The following FSIP2 variants were observed in gnomAD, a reference collection of about 807,000 sequenced individuals.
FSIP2 encodes fibrous sheath interacting protein 2, also known as fibrous sheath-interacting protein 2.
FSIP2 carries 367 observed loss-of-function variants against 510.5 expected under a neutral mutation model. The observed-to-expected ratio is 0.72, with a 90% confidence interval of 0.66 to 0.78. FSIP2 has a LOEUF of 0.78. FSIP2 is among the 30% of genes least tolerant of loss of function. The pLI is 0.00. For missense variants in FSIP2, 7,594 were observed against 7,901.7 expected (o/e 0.96, Z 1.48); for synonymous variants, 2,601 against 2,732.2 (o/e 0.95, Z 1.50).
Position 185,788,899 on chromosome 2 carries a change from T to C in FSIP2, c.1763T>C (p.Val588Ala), listed in dbSNP as rs758429352. The change falls in exon 16 of 23, where the codon GTT becomes GCT. Residue 588 changes from valine to alanine, a missense_variant. Coordinates refer to ENST00000424728, the MANE Select transcript of FSIP2 (RefSeq NM_173651.4). ...TFQAEPCAFVVDTSVRRPTTP... is the reference protein window; with the variant it reads ...TFQAEPCAFVADTSVRRPTTP... Reference sequence around the variant, plus strand: ...CAGGCAGAACCCTGTGCATTTGTAGTTGACACGTCAGTAAGGAGACCAACC... The same window carrying C: ...CAGGCAGAACCCTGTGCATTTGTAGCTGACACGTCAGTAAGGAGACCAACC... 2 of 1,535,106 alleles carry C rather than the reference T, an allele frequency of 1.3e-6. No homozygotes were observed. Among genetic ancestry groups the C allele is most frequent in the Non-Finnish European group, 1.7e-6 (2 of 1,146,070 alleles).
At chr2:185,763,422 A>G (rs1692395715) in intron 12 of FSIP2, 133 bp downstream of exon 12, 1 of 614,848 alleles carries the variant, frequency 1.6e-6, no homozygotes, top group Admixed American at 2.6e-5. Context: ...TAGTCATACA[A>G]TAATAACGTT....
rs1279171600 is a variant in FSIP2, at chr2:185,793,791, A to G, written c.6655A>G (p.Asn2219Asp). 6.5e-7 allele frequency: 1 copy of G among 1,532,704 alleles called. No individual in the cohort carries two copies. The highest frequency in any genetic ancestry group is 1.2e-5 in the South Asian group (1 of 83,658). 94.9% of individuals were successfully genotyped at this position (1,532,704 alleles called of 1,614,324 possible). Residue 2219 changes from asparagine to aspartate, a missense_variant, in exon 16 of 23, where the codon AAT becomes GAT. Asn to Asp is a conservative substitution (Grantham distance 23). Coordinates refer to ENST00000424728, the MANE Select transcript of FSIP2 (RefSeq NM_173651.4). ...RKTERFSYSRNQKSAYADDNQ... is the reference protein window; with the variant it reads ...RKTERFSYSRDQKSAYADDNQ... ...AACAGAGCGTTTTTCATATTCAAGA[A>G]ATCAGAAATCAGCTTATGCTGATGA...
At chr2:185,811,734 C>T (rs966198395) in intron 17 of FSIP2, among the ~76,000 whole-genome samples, 2 of 152,048 alleles carry the variant, frequency 1.3e-5, no homozygotes, top group Non-Finnish European at 2.9e-5. Flanking sequence ...TCATGGGCTC[C>T]GCAGACTCAG....
At position 185,790,056 on chromosome 2, in the gene FSIP2, C is replaced by A; in HGVS notation, c.2920C>A (p.Leu974Ile). The stretch of plus-strand genomic sequence containing the variant: ...TTCTGACACCAAAGAAAAGTACAGA[C>A]TCACTGGCACTAGATTATCAAATAG... The part of the protein sequence containing the change: ...SPSDTKEKYR[L>I]TGTRLSNSPR... The change falls in exon 16 of 23, where the codon CTC becomes ATC. Residue 974 changes from leucine (L) to isoleucine (I), a missense_variant. Physicochemically the swap from Leu to Ile is conservative, Grantham distance 5. Transcript: ENST00000424728. The A allele has an allele frequency of 6.5e-7, 1 of 1,533,482 alleles. No individual in the cohort carries two copies. The highest frequency in any genetic ancestry group is 1.4e-5 in the African/African-American group (1 of 72,956). 95.0% of individuals were successfully genotyped at this position (1,533,482 alleles called of 1,614,324 possible). A position where few individuals can be genotyped will look rare whatever the true frequency, so the allele number is the denominator to read the frequency against.
At chr2:185,826,644 T>C (rs2105686732) in intron 20 of FSIP2, among the ~76,000 whole-genome samples, 1 of 151,936 alleles carries the variant, frequency 6.6e-6, no homozygotes, top group South Asian at 2.1e-4. Flanking sequence ...ACTGTCTCTC[T>C]AGAATGTAAG....
intron 16 of FSIP2, 26 bp downstream of exon 16, chr2:185,797,552 AATTTGCATG>A (rs777974753): frequency 1.4e-6 from 2 of 1,472,066 alleles, no homozygotes; most frequent in South Asian, 2.8e-5. Flanking sequence ...CGTACCTAAA[AATTTGCATG>A]ATTTAGGAAG....
intron 15 of FSIP2, among the ~76,000 whole-genome samples, 178 bp from the exon 16 acceptor site, chr2:185,788,465 G>A (rs1333125518): frequency 6.6e-6 from 1 of 151,582 alleles, no homozygotes; most frequent in African/African-American, 2.4e-5. Flanking sequence ...AAACTAACTA[G>A]AAATTCATCT....
intron 19 of FSIP2, among the ~76,000 whole-genome samples, chr2:185,816,703 TA>T (rs1175991468): frequency 6.6e-6 from 1 of 150,806 alleles, no homozygotes; most frequent in Non-Finnish European, 1.5e-5. Context: ...AATAAAATAA[TA>T]AAAAATTAGC....
In FSIP2 at chr2:185,778,747, TTCAA is replaced by T. The variant is rs375455438; in HGVS notation, c.1412-3953_1412-3950del. ...GGATGTAATGTTCTAAATATGTCCA[TTCAA>T]TCAAGACGGTGAATTGTGTATTTCA... On this transcript the variant is annotated intron_variant, in intron 13 of 22. Transcript: ENST00000424728. Among the ~76,000 whole-genome samples, 35 of 152,126 alleles carry T rather than the reference TTCAA, an allele frequency of 2.3e-4. No homozygotes were observed. In the East Asian group the frequency reaches 4.6e-3, roughly 20 times the overall value.
chr2:185,782,944 T>C (rs944613533), intron 14 of FSIP2, among the ~76,000 whole-genome samples, 182 bp downstream of exon 14: 1 of 152,190 alleles, frequency 6.6e-6, no homozygotes, highest in South Asian at 2.1e-4. Context: ...TGAATCATTG[T>C]CCTTTCCTTT....
intron 2 of FSIP2, among the ~76,000 whole-genome samples, chr2:185,742,710 A>T (rs955300831): frequency 6.6e-6 from 1 of 152,216 alleles, no homozygotes; most frequent in African/African-American, 2.4e-5. Context: ...TCATTTTAAG[A>T]TGATTGAAAT....
chr2:185,796,558 C>G lies in FSIP2; in HGVS notation c.9422C>G (p.Ser3141Ter). The stretch of plus-strand genomic sequence containing the variant: ...AATGAGTCTTTGATACAAAACCTTT[C>G]AAGAGAAAGTTTGTTCCAAGGAGCT... ...YFNESLIQNL[S>*]RESLFQGAEN... The change falls in exon 16 of 23, where the codon TCA (serine) becomes TGA (stop). Residue 3141 changes from serine to a stop codon, truncating the protein, a stop_gained. Coordinates refer to ENST00000424728, the MANE Select transcript of FSIP2 (RefSeq NM_173651.4). LOFTEE classifies it high-confidence loss of function. The G allele has an allele frequency of 3.9e-6, 6 of 1,534,960 alleles. No homozygotes were observed. The highest frequency in any genetic ancestry group is 4.4e-6 in the Non-Finnish European group (5 of 1,146,200).
intron 21 of FSIP2, among the ~76,000 whole-genome samples, chr2:185,829,306 C>T (rs2105690208): frequency 6.6e-6 from 1 of 151,982 alleles, no homozygotes; most frequent in East Asian, 2.0e-4. Flanking sequence ...TCACTGATTA[C>T]AACTAAACAC....
At chr2:185,767,241 C>T (rs1276756212) in intron 13 of FSIP2, among the ~76,000 whole-genome samples, 10 of 148,998 alleles carry the variant, frequency 6.7e-5, no homozygotes, top group African/African-American at 1.7e-4. Flanking sequence ...GTGGGTGCAG[C>T]GCACCAGCAT....
In FSIP2 at chr2:185,806,701, A is replaced by T; in HGVS notation, c.17395A>T (p.Ile5799Phe). The T allele has an allele frequency of 6.2e-7, 1 of 1,603,394 alleles. No individual in the cohort carries two copies. The highest frequency in any genetic ancestry group is 8.5e-7 in the Non-Finnish European group (1 of 1,176,578). ...DVITEMVKQLIFSSIPETQIQ... is the reference protein window; with the variant it reads ...DVITEMVKQLFFSSIPETQIQ... Reference sequence around the variant, plus strand: ...TATTACTGAGATGGTTAAACAATTGATCTTTTCTTCTATACCAGAAACACA... The same window carrying T: ...TATTACTGAGATGGTTAAACAATTGTTCTTTTCTTCTATACCAGAAACACA... Residue 5799 changes from isoleucine to phenylalanine, a missense_variant, in exon 17 of 23, where the codon ATC becomes TTC. Physicochemically the swap from Ile to Phe is conservative, Grantham distance 21 (BLOSUM62 0). Coordinates refer to ENST00000424728, the MANE Select transcript of FSIP2 (RefSeq NM_173651.4).
At chr2:185,759,835 G>C (rs1457563781) in intron 9 of FSIP2, among the ~76,000 whole-genome samples, 1 of 150,464 alleles carries the variant, frequency 6.6e-6, no homozygotes, top group East Asian at 1.9e-4. Flanking sequence ...TCCTGGAAGA[G>C]TTTGTGTAAA....
Position 185,807,932 on chromosome 2 carries a change from T to A in FSIP2, c.18626T>A (p.Met6209Lys). ...KERTKSLETD[M>K]QKITSKVLNS... ...AGAACAAAATCTCTAGAGACTGATATGCAAAAAATAACTTCAAAAGTACTA... is the reference window on the plus strand; with the variant it reads ...AGAACAAAATCTCTAGAGACTGATAAGCAAAAAATAACTTCAAAAGTACTA... Residue 6209 changes from methionine (M) to lysine (K), a missense_variant, in exon 17 of 23, where the codon ATG (methionine) becomes AAG (lysine). Transcript: ENST00000424728. 1 of 1,604,192 alleles carries A rather than the reference T, an allele frequency of 6.2e-7. No individual in the cohort carries two copies. Among genetic ancestry groups the A allele is most frequent in the East Asian group, 2.2e-5 (1 of 44,548 alleles).
intron 13 of FSIP2, among the ~76,000 whole-genome samples, chr2:185,767,923 G>T (rs1453745512): frequency 6.6e-6 from 1 of 152,054 alleles, no homozygotes; most frequent in Non-Finnish European, 1.5e-5. Context: ...CGATCATAAG[G>T]TAATTGTTGA....
In FSIP2 at chr2:185,789,113, A is replaced by G. The variant is rs780041138; in HGVS notation, c.1977A>G (p.Lys659=). The change falls in exon 16 of 23, where the codon AAA becomes AAG. Residue 659 remains lysine, a synonymous_variant. Coordinates refer to ENST00000424728, the MANE Select transcript of FSIP2 (RefSeq NM_173651.4). ...CATCATTTGAAACAGGCACAAAAAA[A>G]TCTAAGGATGCTACCACTGAAACAG... ...LLASFETGTK[K]SKDATTETDS... is the part of the protein sequence containing the mutation. 1.3e-6 allele frequency: 2 copies of G among 1,535,216 alleles called. No individual in the cohort carries two copies. Among genetic ancestry groups the G allele is most frequent in the South Asian group, 2.4e-5 (2 of 84,048 alleles).
Sources: gnomAD v4.1 joint callset for allele counts (sites outside exome capture counted in the v4.1 genomes callset) on GRCh38, gnomAD v4.1.1 for gene constraint, MANE v1.5 for transcripts, NCBI Gene and HGNC (gene_info 2026-07-23, HGNC 2026-07-21) for gene names.